SLC4A4: variants seen among roughly 807,000 people sequenced by gnomAD.
The protein encoded by SLC4A4 is solute carrier family 4 member 4, also known as electrogenic sodium bicarbonate cotransporter 1.
Under a neutral mutation model 111.5 loss-of-function variants are expected in SLC4A4, and 27 were observed. The ratio of observed to expected loss-of-function variants is 0.24; its 90% CI spans 0.18 to 0.33. SLC4A4 has a LOEUF of 0.33. Ranked by LOEUF, SLC4A4 falls within the 10% of genes least tolerant of loss-of-function variation. SLC4A4 has a pLI of 1.00. For missense variants in SLC4A4, 909 were observed against 1,315.5 expected (o/e 0.69, Z 4.78); for synonymous variants, 443 against 463.4 (o/e 0.96, Z 0.57).
intron 3 of SLC4A4, among the ~76,000 whole-genome samples, chr4:71,312,334 A>G (rs577338997): frequency 1.3e-5 from 2 of 152,202 alleles, no homozygotes; most frequent in Non-Finnish European, 1.5e-5. Flanking sequence ...GCTGAATTCT[A>G]CCAGAGGTAC....
intron 1 of SLC4A4, among the ~76,000 whole-genome samples, chr4:71,198,500 C>T (rs1746108105): frequency 6.6e-6 from 1 of 152,162 alleles, no homozygotes; most frequent in Non-Finnish European, 1.5e-5. Context: ...AAACACGCTG[C>T]ATATCATGAG....
chr4:71,297,419 T>C (rs769841259), intron 3 of SLC4A4, among the ~76,000 whole-genome samples: 6 of 151,992 alleles, frequency 3.9e-5, no homozygotes, highest in Non-Finnish European at 7.4e-5. Flanking sequence ...AAACTGTCTG[T>C]CCTTTGTTTT....
intron 1 of SLC4A4, among the ~76,000 whole-genome samples, chr4:71,215,171 C>A (rs1055116902): frequency 3.9e-5 from 6 of 152,184 alleles, no homozygotes; most frequent in Non-Finnish European, 7.3e-5. Flanking sequence ...TTTAGTCCAT[C>A]CTTCTGTCCT....
chr4:71,316,819 C>T (rs958121049), intron 3 of SLC4A4, among the ~76,000 whole-genome samples: 3 of 152,038 alleles, frequency 2.0e-5, no homozygotes, highest in African/African-American at 7.2e-5. Flanking sequence ...GTTTTCTGTT[C>T]CTGCGTTAGT....
intron 4 of SLC4A4, among the ~76,000 whole-genome samples, chr4:71,349,429 AC>A (rs1163626728): frequency 3.3e-5 from 5 of 152,214 alleles, no homozygotes; most frequent in Admixed American, 6.5e-5. Context: ...TTGCCACTTC[AC>A]GCATCATGTT....
chr4:71,088,237 T>C (rs188667872), intron 1 of SLC4A4, among the ~76,000 whole-genome samples: 1 of 151,906 alleles, frequency 6.6e-6, no homozygotes, highest in African/African-American at 2.4e-5. Context: ...TACCTGCCTT[T>C]TTTTTTTTCC....
At chr4:71,090,061 G>C in intron 1 of SLC4A4, among the ~76,000 whole-genome samples, 1 of 152,070 alleles carries the variant, frequency 6.6e-6, no homozygotes, top group Middle Eastern at 3.4e-3. Context: ...GAGCTTCCTC[G>C]CCAGTTTGTT....
At chr4:71,558,027 T>A in intron 22 of SLC4A4, 142 bp downstream of exon 22, 2 of 707,614 alleles carry the variant, frequency 2.8e-6, no homozygotes, top group Non-Finnish European at 5.0e-6. Context: ...AGTTGTAATT[T>A]ACATTTCCCA....
chr4:71,474,768 A>G (rs954703824), intron 14 of SLC4A4, among the ~76,000 whole-genome samples: 1 of 151,930 alleles, frequency 6.6e-6, no homozygotes, highest in Admixed American at 6.6e-5. Context: ...TAAGAATGCC[A>G]TATAGTTATG....
chr4:71,179,133 G>A (rs544271799), intron 2 of SLC4A4, among the ~76,000 whole-genome samples: 4 of 152,134 alleles, frequency 2.6e-5, no homozygotes, highest in Admixed American at 1.3e-4. Flanking sequence ...ATGCAGAAAA[G>A]GCCTTTGACA....
rs542744807 is a variant in SLC4A4, at chr4:71,261,417, T to A, written c.253+6018T>A. ...TCTTTGTGTTTCTTTGTGAAATTAA[T>A]CTGGTTAAGAAGGGCTGTTGGGTGG... On this transcript the variant is annotated intron_variant, in intron 3 of 25. Transcript: ENST00000264485. 9.8e-5 allele frequency among the ~76,000 whole-genome samples: 15 copies of A among 152,338 alleles called. No homozygotes were observed. In the East Asian group the frequency reaches 2.9e-3, roughly 29 times the overall value.
intron 6 of SLC4A4, among the ~76,000 whole-genome samples, chr4:71,369,883 A>AT (rs1431536524): frequency 6.6e-6 from 1 of 152,194 alleles, no homozygotes; most frequent in African/African-American, 2.4e-5. Flanking sequence ...CAGGACATAA[A>AT]TAGATAACAA....
chr4:71,233,589 C>T (rs1440372970), intron 1 of SLC4A4, among the ~76,000 whole-genome samples: 1 of 152,030 alleles, frequency 6.6e-6, no homozygotes, highest in Non-Finnish European at 1.5e-5. Context: ...CTTCAGGTAC[C>T]AGCTTTATTC....
chr4:71,277,395 A>G (rs1299835670), intron 3 of SLC4A4, among the ~76,000 whole-genome samples: 4 of 152,110 alleles, frequency 2.6e-5, no homozygotes, highest in Non-Finnish European at 5.9e-5. Context: ...CCTAATGGCT[A>G]GTGGTGTTGA....
At chr4:71,113,634 C>T (rs1003896003) in intron 2 of SLC4A4, among the ~76,000 whole-genome samples, 1 of 152,154 alleles carries the variant, frequency 6.6e-6, no homozygotes, top group African/African-American at 2.4e-5. Context: ...TAATAGAGAA[C>T]CACTGGTTTC....
At chr4:71,136,888 G>T (rs1250253411) in intron 2 of SLC4A4, among the ~76,000 whole-genome samples, 1 of 152,098 alleles carries the variant, frequency 6.6e-6, no homozygotes, top group Non-Finnish European at 1.5e-5. Flanking sequence ...CATACAAAGA[G>T]GCTGTATTAC....
chr4:71,134,940 G>C (rs914250482), intron 2 of SLC4A4, among the ~76,000 whole-genome samples: 5 of 152,158 alleles, frequency 3.3e-5, no homozygotes, highest in Non-Finnish European at 5.9e-5. Flanking sequence ...AACCAGCAAG[G>C]ATGATGAAGC....
At chr4:71,402,153 G>A (rs144684490) in intron 7 of SLC4A4, among the ~76,000 whole-genome samples, 361 of 152,258 alleles carry the variant, frequency 2.4e-3, no homozygotes, top group Non-Finnish European at 3.6e-3. Context: ...TATTTTGTCA[G>A]AAAGTATGCG....
In SLC4A4 at chr4:71,327,488, T is replaced by C. The variant is rs572089631; in HGVS notation, c.254-11882T>C. Among the ~76,000 whole-genome samples the C allele has an allele frequency of 2.1e-3, 321 of 152,114 alleles. 2 individuals carry two copies. The highest frequency in any genetic ancestry group is 6.8e-3 in the South Asian group (33 of 4,830). ...AGTCCCTTACCTTCTTAGGATGCAT[T>C]TTCCCTGTCTATAAGAGTAATGTAA... On this transcript the variant is annotated intron_variant, in intron 3 of 25. Transcript: ENST00000264485.
Sources: allele counts gnomAD v4.1 joint callset (sites outside exome capture counted in the v4.1 genomes callset), GRCh38; gene constraint gnomAD v4.1.1; transcripts MANE v1.5; gene names NCBI Gene and HGNC (gene_info 2026-07-23, HGNC 2026-07-21).